DCT: variants seen among roughly 807,000 people sequenced by gnomAD.
DCT encodes the protein L-dopachrome tautomerase.
Under a neutral mutation model 53.0 loss-of-function variants are expected in DCT, and 47 were observed. The observed-to-expected ratio is 0.89, with a 90% CI of 0.70 to 1.13. The LOEUF (loss-of-function observed/expected upper bound fraction) is 1.13. DCT is among the 50% of genes most tolerant of loss of function. DCT has a pLI of 0.00. For synonymous variants in DCT, 244 were observed against 237.0 expected, an observed-to-expected ratio of 1.03 and a Z score of -0.27; for missense variants, 669 against 637.4, an observed-to-expected ratio of 1.05 and a Z score of -0.53.
At chr13:94,486,317 T>G in the DCT span, among the ~76,000 whole-genome samples, 1 of 152,350 alleles carries the variant, frequency 6.6e-6, no homozygotes, top group Non-Finnish European at 1.5e-5. Context: ...AAGAAACTGC[T>G]GCTTGAAATT....
intron 6 of DCT, among the ~76,000 whole-genome samples, chr13:94,457,318 A>G (rs1883473589): frequency 6.6e-6 from 1 of 151,926 alleles, no homozygotes. Flanking sequence ...TCAGAACCAT[A>G]GGGCCCTGGA....
At chr13:94,450,126 G>A (rs980837869) in intron 6 of DCT, among the ~76,000 whole-genome samples, 6 of 152,226 alleles carry the variant, frequency 3.9e-5, no homozygotes, top group East Asian at 1.9e-4. Context: ...TTTCAGCTAC[G>A]TGAGGACAAG....
chr13:94,510,148 C>T, the DCT span, among the ~76,000 whole-genome samples: 1 of 152,156 alleles, frequency 6.6e-6, no homozygotes, highest in Non-Finnish European at 1.5e-5. Flanking sequence ...TTTCTACTCC[C>T]TAACTATCAA....
the DCT span, among the ~76,000 whole-genome samples, chr13:94,502,917 A>C: frequency 6.6e-6 from 1 of 152,128 alleles, no homozygotes; most frequent in African/African-American, 2.4e-5. Flanking sequence ...AGGCTTCCCA[A>C]GTCAGGCTCA....
At chr13:94,511,238 A>C in the DCT span, among the ~76,000 whole-genome samples, 3 of 152,052 alleles carry the variant, frequency 2.0e-5, no homozygotes, top group Admixed American at 6.6e-5. Context: ...CTCCAGCTAC[A>C]TTGAACTGCT....
the DCT span, among the ~76,000 whole-genome samples, chr13:94,499,736 T>C: frequency 6.6e-6 from 1 of 152,110 alleles, no homozygotes; most frequent in Non-Finnish European, 1.5e-5. Context: ...GTCCAAGCCA[T>C]GGAGAATATT....
At chr13:94,472,815 C>T (rs924440340) in intron 1 of DCT, among the ~76,000 whole-genome samples, 1 of 151,782 alleles carries the variant, frequency 6.6e-6, no homozygotes, top group South Asian at 2.1e-4. Flanking sequence ...CTCCTGAACT[C>T]GGGTGATCCA....
the DCT span, among the ~76,000 whole-genome samples, chr13:94,512,887 T>C: frequency 1.3e-5 from 2 of 152,066 alleles, no homozygotes; most frequent in Non-Finnish European, 2.9e-5. Flanking sequence ...GTGTGGATCA[T>C]TGTAGCCAGA....
chr13:94,453,818 C>T (rs1033926455), intron 6 of DCT, among the ~76,000 whole-genome samples: 2 of 152,194 alleles, frequency 1.3e-5, no homozygotes, highest in Non-Finnish European at 2.9e-5. Flanking sequence ...GTGAGGTCTC[C>T]CCAGCCACAT....
In DCT at chr13:94,462,069, G is replaced by A. The variant is rs781489627; in HGVS notation, c.984C>T (p.Cys328=). The A allele has an allele frequency of 5.0e-6, 8 of 1,612,804 alleles. No homozygotes were observed. The East Asian group carries it at 1.8e-4, about 36-fold the overall frequency. ...KLPTLKDIRD[C]LSLQKFDNPP... ...GATTGTCAAACTTCTGGAGAGACAGGCAATCTCGTATGTCTTTTAAGGTTG... is the reference window on the plus strand; with the variant it reads ...GATTGTCAAACTTCTGGAGAGACAGACAATCTCGTATGTCTTTTAAGGTTG... Residue 328 remains cysteine (C), a synonymous_variant, in exon 5 of 8, where the codon TGC becomes TGT. Coordinates refer to ENST00000377028, the MANE Select transcript of DCT (RefSeq NM_001922.5).
At chr13:94,527,696 A>G in the DCT span, among the ~76,000 whole-genome samples, 1 of 152,240 alleles carries the variant, frequency 6.6e-6, no homozygotes, top group East Asian at 1.9e-4. Flanking sequence ...AGAGCAGAAA[A>G]GCTGAAAATT....
At chr13:94,465,898 T>G in intron 3 of DCT, 99 bp from the exon 4 acceptor site, 1 of 791,922 alleles carries the variant, frequency 1.3e-6, no homozygotes, top group Non-Finnish European at 1.8e-6. Flanking sequence ...ACCAAATATC[T>G]ACCAAGACAA....
At chr13:94,522,261 A>C in the DCT span, among the ~76,000 whole-genome samples, 3 of 152,048 alleles carry the variant, frequency 2.0e-5, no homozygotes, top group African/African-American at 7.2e-5. Flanking sequence ...GGCACAATCT[A>C]ATCAGCTGCC....
chr13:94,463,406 G>T (rs1490400172), intron 4 of DCT, among the ~76,000 whole-genome samples: 3 of 151,760 alleles, frequency 2.0e-5, no homozygotes, highest in Admixed American at 1.3e-4. Context: ...CTCCTGAGTA[G>T]CTGGGACTAC....
At chr13:94,461,870 A>C (rs1412346446) in intron 5 of DCT, 140 bp downstream of exon 5, 14 of 661,678 alleles carry the variant, frequency 2.1e-5, no homozygotes, top group Non-Finnish European at 3.3e-5. Context: ...ATCCCTTGCT[A>C]ACTTCTCTCG....
intron 6 of DCT, chr13:94,444,443 A>T (rs563532975): frequency 7.8e-6 from 4 of 514,650 alleles, no homozygotes; most frequent in South Asian, 4.2e-5. Context: ...AAGTCTAAAA[A>T]GGTAATGTAC....
chr13:94,468,450 C>T (rs1010228990), intron 2 of DCT: 3 of 281,760 alleles, frequency 1.1e-5, no homozygotes, highest in African/African-American at 6.4e-5. Flanking sequence ...AATTCGCCTC[C>T]ACCTCACCAA....
At chr13:94,473,776 G>GCA (rs199556823) in intron 1 of DCT, among the ~76,000 whole-genome samples, 5 of 151,762 alleles carry the variant, frequency 3.3e-5, no homozygotes, top group African/African-American at 9.7e-5. Context: ...TGGGAAGTGG[G>GCA]GGGGTAAAGA....
At chr13:94,497,391 C>T in the DCT span, among the ~76,000 whole-genome samples, 1 of 152,092 alleles carries the variant, frequency 6.6e-6, no homozygotes, top group East Asian at 1.9e-4. Flanking sequence ...AACAGTTGAC[C>T]CTTGAACATC....
Sources: allele counts gnomAD v4.1 joint callset (sites outside exome capture counted in the v4.1 genomes callset), GRCh38; gene constraint gnomAD v4.1.1; transcripts MANE v1.5; gene names NCBI Gene and HGNC (gene_info 2026-07-23, HGNC 2026-07-21).